The following NAV1 variants were observed in gnomAD, a reference collection of about 807,000 sequenced individuals.
NAV1 encodes the protein neuron navigator 1, also known as pore membrane and/or filament interacting like protein 3.
A neutral mutation model predicts 175.2 loss-of-function variants in NAV1; 18 were observed. The observed-to-expected ratio is 0.10, with a 90% CI of 0.07 to 0.15. The LOEUF (loss-of-function observed/expected upper bound fraction) is 0.15, where lower values mean the gene tolerates loss of function less well. Ranked by LOEUF, NAV1 falls within the 10% of genes least tolerant of loss-of-function variation. The pLI is 1.00. For synonymous variants in NAV1, 897 were observed against 978.7 expected, an observed-to-expected ratio of 0.92 and a Z score of 1.56; for missense variants, 1,731 against 2,436.6, an observed-to-expected ratio of 0.71 and a Z score of 6.10.
chr1:201,786,542 T>A (rs752886166), exon 9 of NAV1: 2 of 1,613,864 alleles, frequency 1.2e-6, no homozygotes, highest in Non-Finnish European at 1.7e-6. Context: ...GCACTTCCCA[T>A]GTCTCTGAGT....
intron 1 of NAV1, among the ~76,000 whole-genome samples, chr1:201,660,290 C>G (rs916235678): frequency 6.6e-6 from 1 of 152,172 alleles, no homozygotes; most frequent in Non-Finnish European, 1.5e-5. Context: ...GCTGTAGTGG[C>G]GGGGCTGAGA....
chr1:201,802,255 A>G (rs1309071680), intron 15 of NAV1, among the ~76,000 whole-genome samples: 1 of 143,882 alleles, frequency 7.0e-6, no homozygotes, highest in Non-Finnish European at 1.5e-5. Flanking sequence ...CAGTGAGCCA[A>G]GATCGCACCA....
Position 201,782,295 on chromosome 1 carries a change from G to A in NAV1, c.1783G>A (p.Gly595Ser), listed in dbSNP as rs747791930. The A allele has an allele frequency of 3.0e-5, 48 of 1,614,058 alleles. 1 individual carries two copies. The East Asian group carries it at 1.0e-3, about 34-fold the overall frequency. The change falls in exon 6 of 30, where the codon GGC becomes AGC. Residue 595 changes from glycine to serine, a missense_variant. By Grantham distance (56) the Gly-to-Ser change is moderately conservative (BLOSUM62 0). Transcript: ENST00000367296. The surrounding 1 kb of genome is among the most constrained non-coding windows in gnomAD (Gnocchi z 5.4). ...GAGTGATGCTAAGAAGCCCCCCTCG[G>A]GCATTGCTCGCCCCTCCACTTCGGG...
At chr1:201,557,388 T>G (rs1310978319) in intron 1 of NAV1, among the ~76,000 whole-genome samples, 1 of 152,230 alleles carries the variant, frequency 6.6e-6, no homozygotes, top group African/African-American at 2.4e-5. Context: ...CTGAGGCTTG[T>G]GTGCCCAATC....
chr1:201,617,048 G>A (rs908649198), intron 2 of NAV1, among the ~76,000 whole-genome samples: 1 of 152,120 alleles, frequency 6.6e-6, no homozygotes, highest in Non-Finnish European at 1.5e-5. Context: ...AATTTATTGA[G>A]GACTGGGATC....
At chr1:201,608,013 T>TTA (rs34066043) in intron 2 of NAV1, among the ~76,000 whole-genome samples, 16,366 of 151,882 alleles carry the variant, frequency 0.11, 951 homozygotes, top group East Asian at 0.14. Flanking sequence ...ATTTTCTTTT[T>TTA]TATGTTTTGA....
chr1:201,585,541 GA>G (rs566209688), intron 1 of NAV1, among the ~76,000 whole-genome samples: 1 of 151,150 alleles, frequency 6.6e-6, no homozygotes, highest in Non-Finnish European at 1.5e-5. Context: ...CACAGATTAG[GA>G]AAAAAAATTT....
intron 1 of NAV1, among the ~76,000 whole-genome samples, chr1:201,672,556 T>C (rs969085716): frequency 6.6e-6 from 1 of 152,226 alleles, no homozygotes; most frequent in Non-Finnish European, 1.5e-5. Context: ...TAGATGTTAT[T>C]GTGATCATCA....
At position 201,561,809 on chromosome 1, in the gene NAV1, C is replaced by G. The variant is rs111857822; in HGVS notation, c.-144+22467C>G. ...TTAGGAACTGTGCCTTGCCCATCAG[C>G]CTGGGAACTCCCTGCAGGCTGGGGC... is the stretch of plus-strand genomic sequence containing the variant. On this transcript the variant is annotated intron_variant, in intron 1 of 33. Coordinates refer to the NAV1 transcript ENST00000685211. Among the ~76,000 whole-genome samples the G allele has an allele frequency of 6.2e-3, 940 of 152,266 alleles. 11 individuals carry two copies. The highest frequency in any genetic ancestry group is 0.021 in the African/African-American group (889 of 41,532).
At chr1:201,815,284 G>A (rs1399309718) in intron 28 of NAV1, among the ~76,000 whole-genome samples, 1 of 152,104 alleles carries the variant, frequency 6.6e-6, no homozygotes, top group Non-Finnish European at 1.5e-5. Flanking sequence ...CATGCCTGTA[G>A]TCCCAGCAGC....
chr1:201,565,875 C>A (rs1378945485), intron 1 of NAV1, among the ~76,000 whole-genome samples: 2 of 152,128 alleles, frequency 1.3e-5, no homozygotes, highest in African/African-American at 4.8e-5. Flanking sequence ...GCCAGACATT[C>A]CCCCAATCCC....
rs754696577 is a variant in NAV1, at chr1:201,809,157, C to G, written c.4208-7C>G. 1.2e-6 allele frequency: 2 copies of G among 1,613,236 alleles called. No individual in the cohort carries two copies. The highest frequency in any genetic ancestry group is 2.7e-5 in the African/African-American group (2 of 74,850). ...TAAAACCAGTTGGTTCTTTTCAATCCCCACAGACCTGTCACCCATGGATGG... is the reference window on the plus strand; with the variant it reads ...TAAAACCAGTTGGTTCTTTTCAATCGCCACAGACCTGTCACCCATGGATGG... On this transcript the variant is annotated splice_polypyrimidine_tract_variant and splice_region_variant and intron_variant, in intron 20 of 29. Transcript: ENST00000367296.
At chr1:201,811,659 T>C (rs1326463977) in exon 25 of NAV1, 1 of 1,614,122 alleles carries the variant, frequency 6.2e-7, no homozygotes, top group Non-Finnish European at 8.5e-7. Flanking sequence ...AAACAGGAAT[T>C]GGGGATGTGC....
chr1:201,743,824 A>G (rs1453415639), intron 3 of NAV1, among the ~76,000 whole-genome samples: 1 of 152,200 alleles, frequency 6.6e-6, no homozygotes, highest in East Asian at 1.9e-4. Flanking sequence ...AGGATGGCAT[A>G]TTTATACATT....
chr1:201,645,263 A>T (rs1388585035), upstream of NAV1, among the ~76,000 whole-genome samples: 1 of 151,992 alleles, frequency 6.6e-6, no homozygotes, highest in Non-Finnish European at 1.5e-5. Context: ...GACATGGATG[A>T]AACTGGAAAC....
At chr1:201,804,229 C>T (rs1330676372) in intron 16 of NAV1, among the ~76,000 whole-genome samples, 1 of 152,108 alleles carries the variant, frequency 6.6e-6, no homozygotes, top group Non-Finnish European at 1.5e-5. Context: ...TTTTCTCTTG[C>T]ATAATCCTAA....
rs1045982948 is a variant in NAV1 at position 201,696,478 on chromosome 1, G to C, written c.758-16339G>C. On this transcript the variant is annotated intron_variant, in intron 1 of 29. Coordinates refer to ENST00000367296, the Ensembl canonical transcript of NAV1. ...AAAGGGCTCCCTCGAGGAAGCATTGGACAGGAGCAGTGACTGCCAGTGAGG... is the reference window on the plus strand; with the variant it reads ...AAAGGGCTCCCTCGAGGAAGCATTGCACAGGAGCAGTGACTGCCAGTGAGG... Among the ~76,000 whole-genome samples the C allele has an allele frequency of 3.3e-5, 5 of 152,302 alleles. No homozygotes were observed. In the East Asian group the frequency reaches 5.8e-4, roughly 18 times the overall value.
At chr1:201,731,077 G>A (rs1672838289) in intron 3 of NAV1, among the ~76,000 whole-genome samples, 1 of 152,086 alleles carries the variant, frequency 6.6e-6, no homozygotes, top group Non-Finnish European at 1.5e-5. Context: ...CATAGAGACC[G>A]AAAGCACATA....
At chr1:201,819,795 G>C in intron 29 of NAV1, 42 bp from the exon 34 acceptor site, 1 of 1,561,940 alleles carries the variant, frequency 6.4e-7, no homozygotes, top group Non-Finnish European at 8.8e-7. Flanking sequence ...GCAGGACCCA[G>C]AGTCCCAACT....
Sources: gnomAD v4.1 joint callset for allele counts (sites outside exome capture counted in the v4.1 genomes callset) on GRCh38, gnomAD v4.1.1 for gene constraint, Gnocchi (gnomAD v3.1) non-coding constraint, MANE v1.5 for transcripts, NCBI Gene and HGNC (gene_info 2026-07-23, HGNC 2026-07-21) for gene names.